Variants in CREB5 observed in about 807,000 individuals in gnomAD.
CREB5 encodes the protein cyclic AMP-responsive element-binding protein 5.
In CREB5, 19 loss-of-function variants were observed where a neutral mutation model predicts 57.1. The ratio of observed to expected loss-of-function variants is 0.33; its 90% CI spans 0.23 to 0.49. The LOEUF is 0.49. Among genes scored for constraint, CREB5 ranks in the 20% least tolerant of loss-of-function variants. The pLI is 0.99. For synonymous variants in CREB5, 238 were observed against 238.3 expected, an observed-to-expected ratio of 1.00 and a Z score of 0.01; for missense variants, 579 against 671.6, an observed-to-expected ratio of 0.86 and a Z score of 1.52.
intron 5 of CREB5, among the ~76,000 whole-genome samples, chr7:28,635,272 C>G (rs1798372999): frequency 6.6e-6 from 1 of 152,168 alleles, no homozygotes; most frequent in African/African-American, 2.4e-5. Flanking sequence ...AGGTGTAATA[C>G]ACATTTGGCT....
rs573084536 is a variant in CREB5 at position 28,427,812 on chromosome 7, A to G, written c.3+14895A>G. The stretch of plus-strand genomic sequence containing the variant: ...TTCTTTCCTGGGTTTATAATATTAT[A>G]CAAAAGGACTTCCGGAGATGGCTAT... On this transcript the variant is annotated intron_variant, in intron 1 of 10. Transcript: ENST00000357727. Among the ~76,000 whole-genome samples, 12 of 152,280 alleles carry G rather than the reference A, an allele frequency of 7.9e-5. No homozygotes were observed. In the East Asian group the frequency reaches 1.5e-3, roughly 20 times the overall value.
upstream of CREB5, among the ~76,000 whole-genome samples, chr7:28,411,554 T>TGGGGGGTG (rs1402256637): frequency 3.7e-3 from 3 of 814 alleles, no homozygotes; most frequent in African/African-American, 0.023. Context: ...ACCCTCGGTG[T>TGGGGGGTG]GGGGGGTGGG....
At chr7:28,702,280 A>G (rs1449388285) in intron 5 of CREB5, among the ~76,000 whole-genome samples, 1 of 152,252 alleles carries the variant, frequency 6.6e-6, no homozygotes, top group Non-Finnish European at 1.5e-5. Flanking sequence ...AACTGAAACC[A>G]TGGTGAAAAT....
intron 5 of CREB5, among the ~76,000 whole-genome samples, chr7:28,574,379 A>G (rs1277980668): frequency 3.9e-5 from 6 of 152,232 alleles, no homozygotes; most frequent in Non-Finnish European, 7.3e-5. Context: ...GCAGAAGGGT[A>G]GGTAGCACTA....
chr7:28,513,954 T>C (rs1414562307), intron 4 of CREB5: 2 of 152,216 alleles, frequency 1.3e-5, no homozygotes, highest in East Asian at 3.9e-4. Flanking sequence ...ATCCTGAAAG[T>C]AGCAATATAC....
chr7:28,651,997 C>G (rs1030372077), intron 5 of CREB5, among the ~76,000 whole-genome samples: 1 of 152,132 alleles, frequency 6.6e-6, no homozygotes, highest in African/African-American at 2.4e-5. Flanking sequence ...GTTTGACCTA[C>G]TGGCTTTTGG....
At chr7:28,668,112 T>C (rs900159265) in intron 5 of CREB5, among the ~76,000 whole-genome samples, 1 of 152,168 alleles carries the variant, frequency 6.6e-6, no homozygotes, top group Admixed American at 6.5e-5. Flanking sequence ...TTTAAGTCTC[T>C]TATAAACTCT....
chr7:28,439,257 T>C (rs912839833), intron 1 of CREB5, among the ~76,000 whole-genome samples: 2 of 152,154 alleles, frequency 1.3e-5, no homozygotes, highest in Non-Finnish European at 2.9e-5. Context: ...TAGGGTAAAA[T>C]TTAACCTCCT....
chr7:28,541,753 A>T (rs1794219513), intron 4 of CREB5, among the ~76,000 whole-genome samples: 2 of 152,228 alleles, frequency 1.3e-5, no homozygotes, highest in African/African-American at 2.4e-5. Flanking sequence ...ATTTCAAGTT[A>T]AAAAGATGTT....
At chr7:28,384,955 T>C (rs1238493672) in intron 1 of CREB5, among the ~76,000 whole-genome samples, 1 of 152,176 alleles carries the variant, frequency 6.6e-6, no homozygotes, top group Non-Finnish European at 1.5e-5. Context: ...TATTCCAAAT[T>C]CACTTCAACA....
At position 28,773,784 on chromosome 7, in the gene CREB5, G is replaced by A. The variant is rs529161898; in HGVS notation, c.703-30415G>A. Among the ~76,000 whole-genome samples, 3 of 152,318 alleles carry A rather than the reference G, an allele frequency of 2.0e-5. No homozygotes were observed. The East Asian group carries it at 5.8e-4, about 29-fold the overall frequency. Reference sequence around the variant, plus strand: ...CCAGCCCCTAATATGGCTCCAACCAGGTTAGTGACTTGAAGGACTTAGGGA... The same window carrying A: ...CCAGCCCCTAATATGGCTCCAACCAAGTTAGTGACTTGAAGGACTTAGGGA... On this transcript the variant is annotated intron_variant, in intron 7 of 10. Transcript: ENST00000357727.
chr7:28,410,452 G>C (rs1361362701), upstream of CREB5: 1 of 456,744 alleles, frequency 2.2e-6, no homozygotes, highest in Admixed American at 2.3e-5. Context: ...AGAGGGGCAA[G>C]ATGCGAAGGA....
intron 1 of CREB5, among the ~76,000 whole-genome samples, chr7:28,392,444 T>C (rs1787237731): frequency 6.6e-6 from 1 of 152,190 alleles, no homozygotes; most frequent in African/African-American, 2.4e-5. Flanking sequence ...GTAAAAATAA[T>C]TGCGGTTTTT....
At chr7:28,646,115 C>G (rs889311380) in intron 5 of CREB5, among the ~76,000 whole-genome samples, 1 of 152,214 alleles carries the variant, frequency 6.6e-6, no homozygotes, top group Non-Finnish European at 1.5e-5. Flanking sequence ...CATAGGACTT[C>G]TAAGCCCTCA....
chr7:28,696,752 C>T (rs1801585258), intron 5 of CREB5, among the ~76,000 whole-genome samples: 1 of 144,736 alleles, frequency 6.9e-6, no homozygotes, highest in Non-Finnish European at 1.6e-5. Context: ...CATATACACA[C>T]ACTACATACA....
At chr7:28,415,138 A>G (rs1787975446) in intron 1 of CREB5, among the ~76,000 whole-genome samples, 1 of 152,254 alleles carries the variant, frequency 6.6e-6, no homozygotes, top group Non-Finnish European at 1.5e-5. Context: ...CTTAACAAGG[A>G]TTGAAAACTA....
intron 4 of CREB5, among the ~76,000 whole-genome samples, chr7:28,549,258 T>C (rs1794530625): frequency 6.6e-6 from 1 of 152,246 alleles, no homozygotes; most frequent in African/African-American, 2.4e-5. Context: ...GCTGATAATC[T>C]TGAGTTTTCT....
intron 1 of CREB5, among the ~76,000 whole-genome samples, chr7:28,458,350 A>T (rs1417199848): frequency 1.3e-5 from 2 of 152,222 alleles, no homozygotes; most frequent in South Asian, 2.1e-4. Flanking sequence ...TCTAAAAAAG[A>T]TAGGCAGAAT....
intron 1 of CREB5, among the ~76,000 whole-genome samples, chr7:28,446,066 A>C (rs1387893813): frequency 6.6e-6 from 1 of 152,232 alleles, no homozygotes. Context: ...GAAGTCAACT[A>C]TACCAGACAC....
Sources: gnomAD v4.1 joint callset for allele counts (sites outside exome capture counted in the v4.1 genomes callset) on GRCh38, gnomAD v4.1.1 for gene constraint, MANE v1.5 for transcripts, NCBI Gene and HGNC (gene_info 2026-07-23, HGNC 2026-07-21) for gene names.